GXYLT1: variants seen among roughly 807,000 people sequenced by gnomAD.
GXYLT1 encodes glycosyltransferase 8 domain containing 3.
Under a neutral mutation model 54.0 loss-of-function variants are expected in GXYLT1, and 29 were observed. That is an observed-to-expected ratio of 0.54 (90% CI 0.40 to 0.73). GXYLT1 has a LOEUF of 0.73. Among genes scored for constraint, GXYLT1 ranks in the 30% least tolerant of loss-of-function variants. The pLI is 0.00. For missense variants in GXYLT1, 490 were observed against 553.4 expected (o/e 0.89, Z 1.15); for synonymous variants, 176 against 204.1 (o/e 0.86, Z 1.17).
At chr12:42,113,156 G>A (rs1054012655) in intron 3 of GXYLT1, among the ~76,000 whole-genome samples, 6 of 150,982 alleles carry the variant, frequency 4.0e-5, no homozygotes, top group East Asian at 1.9e-4. Flanking sequence ...AGGAACAACC[G>A]GTACCAGCCA....
chr12:42,111,915 G>A (rs944923508), intron 3 of GXYLT1, among the ~76,000 whole-genome samples: 4 of 152,200 alleles, frequency 2.6e-5, no homozygotes, highest in African/African-American at 9.6e-5. Flanking sequence ...ACCTCACACA[G>A]CCAGGTACTC....
intron 2 of GXYLT1, among the ~76,000 whole-genome samples, chr12:42,126,321 C>G (rs1265453846): frequency 6.6e-6 from 1 of 152,058 alleles, no homozygotes; most frequent in Non-Finnish European, 1.5e-5. Context: ...GCGATCGGCA[C>G]GCCTTGGCCT....
intron 2 of GXYLT1, among the ~76,000 whole-genome samples, chr12:42,127,505 C>T (rs184862922): frequency 3.9e-5 from 6 of 152,046 alleles, no homozygotes; most frequent in African/African-American, 9.7e-5. Context: ...ATTTATTCCA[C>T]GGAATACTTG....
chr12:42,138,716 A>C (rs550938127), intron 1 of GXYLT1, among the ~76,000 whole-genome samples: 1 of 152,286 alleles, frequency 6.6e-6, no homozygotes, highest in East Asian at 1.9e-4. Flanking sequence ...CATATAGATA[A>C]TGATCTTACT....
In GXYLT1 at chr12:42,086,376, T is replaced by C. The variant is rs2065293380; in HGVS notation, c.*1410A>G. 1 of 152,280 alleles carries C rather than the reference T, an allele frequency of 6.6e-6. No homozygotes were observed. Among genetic ancestry groups the C allele is most frequent in the African/African-American group, 2.4e-5 (1 of 41,480 alleles). 9.4% of individuals were successfully genotyped at this position (152,280 alleles called of 1,614,324 possible). Reference sequence around the variant, plus strand: ...TAACCATCTCTTTCTGCATATTCCATGTCTCCACAGAGGTCACTGTGTCTT... The same window carrying C: ...TAACCATCTCTTTCTGCATATTCCACGTCTCCACAGAGGTCACTGTGTCTT... On this transcript the variant is annotated 3_prime_UTR_variant, in exon 8 of 8. Coordinates refer to ENST00000398675, the MANE Select transcript of GXYLT1 (RefSeq NM_173601.2).
rs770558055 is a variant in GXYLT1, at chr12:42,097,918, T to G, written c.980A>C (p.His327Pro). ...GGAATTTAAATAATTACCTGGATTA[T>G]GAAAAAACACGATATTCAATAGATC... ...DQDLLNIVFF[H>P]NPESLFVFPC... Residue 327 changes from histidine (H) to proline (P), a missense_variant, in exon 6 of 8, where the codon CAT becomes CCT. By Grantham distance (77) the His-to-Pro change is moderately conservative (BLOSUM62 -2). Transcript: ENST00000398675. 8 of 1,585,350 alleles carry G rather than the reference T, an allele frequency of 5.0e-6. No individual in the cohort carries two copies. In the Admixed American group the frequency reaches 5.4e-5, roughly 11 times the overall value.
chr12:42,142,230 T>C (rs2065655801), intron 1 of GXYLT1, among the ~76,000 whole-genome samples: 1 of 152,194 alleles, frequency 6.6e-6, no homozygotes, highest in South Asian at 2.1e-4. Context: ...AGGATACAGT[T>C]TCTAATCCTC....
intron 1 of GXYLT1, among the ~76,000 whole-genome samples, chr12:42,137,674 G>A (rs1261466470): frequency 1.2e-4 from 17 of 146,564 alleles, no homozygotes; most frequent in Admixed American, 6.9e-4. Flanking sequence ...GGAGAATGGC[G>A]TGAACCCGGG....
intron 1 of GXYLT1, among the ~76,000 whole-genome samples, chr12:42,133,083 G>A (rs7962365): frequency 6.6e-6 from 1 of 152,198 alleles, no homozygotes; most frequent in East Asian, 1.9e-4. Flanking sequence ...AGGAGTTTGA[G>A]AATGGCCTGG....
chr12:42,116,463 C>A (rs140101967), intron 3 of GXYLT1, among the ~76,000 whole-genome samples: 34,830 of 152,052 alleles, frequency 0.23, 4,368 homozygotes, highest in Middle Eastern at 0.28. Context: ...AACAAGTGGG[C>A]GAAGGATATC....
chr12:42,097,297 C>A, intron 7 of GXYLT1, 145 bp downstream of exon 7: 1 of 495,878 alleles, frequency 2.0e-6, no homozygotes, highest in Non-Finnish European at 3.3e-6. Flanking sequence ...GAGAGAAAAC[C>A]AACGACAAAG....
At chr12:42,108,221 T>C (rs1565570867) in intron 4 of GXYLT1, among the ~76,000 whole-genome samples, 1 of 152,224 alleles carries the variant, frequency 6.6e-6, no homozygotes, top group Non-Finnish European at 1.5e-5. Context: ...ATTAAACTTG[T>C]TAATAAAGTG....
chr12:42,105,802 T>C lies in GXYLT1; in HGVS notation c.864+16A>G, dbSNP rs762235091. 1 of 1,587,120 alleles carries C rather than the reference T, an allele frequency of 6.3e-7. No homozygotes were observed. Among genetic ancestry groups the C allele is most frequent in the Admixed American group, 1.8e-5 (1 of 54,484 alleles). ...TTTTAGAGAAATGTTAACAACTACC[T>C]GTATTAGTGACTTACCTTGAAATAC... On this transcript the variant is annotated intron_variant, in intron 5 of 7. Coordinates refer to ENST00000398675, the MANE Select transcript of GXYLT1 (RefSeq NM_173601.2).
chr12:42,092,593 AAAAC>A (rs1462075712), intron 7 of GXYLT1, among the ~76,000 whole-genome samples: 2 of 152,194 alleles, frequency 1.3e-5, no homozygotes, highest in Non-Finnish European at 2.9e-5. Context: ...AAGAAAAGAG[AAAAC>A]AGACAACTGG....
chr12:42,108,630 G>A (rs146550021), intron 4 of GXYLT1, among the ~76,000 whole-genome samples: 26 of 152,174 alleles, frequency 1.7e-4, no homozygotes, highest in African/African-American at 6.3e-4. Context: ...AAAGATCCTA[G>A]GATATAACTT....
chr12:42,115,372 C>T (rs569164142), intron 3 of GXYLT1, among the ~76,000 whole-genome samples: 2 of 152,266 alleles, frequency 1.3e-5, no homozygotes, highest in South Asian at 4.1e-4. Flanking sequence ...GATTGTATAT[C>T]TAGAAAACCC....
intron 1 of GXYLT1, among the ~76,000 whole-genome samples, chr12:42,142,040 G>A (rs1390988683): frequency 6.6e-6 from 1 of 152,154 alleles, no homozygotes; most frequent in Non-Finnish European, 1.5e-5. Context: ...TAAAAAGAGA[G>A]AAATAGTTAT....
intron 2 of GXYLT1, among the ~76,000 whole-genome samples, chr12:42,127,493 T>C (rs936921586): frequency 2.5e-4 from 38 of 152,170 alleles, no homozygotes; most frequent in Non-Finnish European, 2.9e-5. Context: ...CATCCACATA[T>C]GATTTATTCC....
chr12:42,132,469 C>A (rs2136917391), intron 1 of GXYLT1, among the ~76,000 whole-genome samples: 1 of 152,222 alleles, frequency 6.6e-6, no homozygotes. Context: ...TTATTAAGTA[C>A]CGTTTAGAAA....
Sources: allele counts gnomAD v4.1 joint callset (sites outside exome capture counted in the v4.1 genomes callset), GRCh38; gene constraint gnomAD v4.1.1; transcripts MANE v1.5; gene names NCBI Gene and HGNC (gene_info 2026-07-23, HGNC 2026-07-21).